SNAI2: variants seen among roughly 807,000 people sequenced by gnomAD.
SNAI2 encodes the protein snail family transcriptional repressor 2.
SNAI2 carries 2 observed loss-of-function variants against 22.4 expected under a neutral mutation model. The ratio of observed to expected loss-of-function variants is 0.09; its 90% CI spans 0.04 to 0.28. The LOEUF is 0.28. SNAI2 is among the 10% of genes least tolerant of loss of function. The pLI is 1.00. For missense variants in SNAI2, 239 were observed against 320.8 expected, an observed-to-expected ratio of 0.75 and a Z score of 1.95; for synonymous variants, 134 against 123.0, an observed-to-expected ratio of 1.09 and a Z score of -0.59.
At chr8:48,920,498 C>T in intron 1 of SNAI2, 57 bp from the exon 2 acceptor site, 1 of 1,442,626 alleles carries the variant, frequency 6.9e-7, no homozygotes, top group South Asian at 1.1e-5. Context: ...AAAATAAATC[C>T]ACACGCAAGT....
rs1420296591 is a variant in SNAI2, at chr8:48,918,849, G to A, written c.765C>T (p.Leu255=). ...AGCCAGATTCCTCATGTTTGTGCAG[G>A]AGAGACATTCTGGAGAAGGTTTTGG... The part of the protein sequence containing the change: ...NCSKTFSRMS[L]LHKHEESGCC... Residue 255 remains leucine, a synonymous_variant, in exon 3 of 3, where the codon CTC becomes CTT. Transcript: ENST00000020945. The A allele has an allele frequency of 1.9e-6, 3 of 1,614,134 alleles. No homozygotes were observed. The highest frequency in any genetic ancestry group is 1.1e-5 in the South Asian group (1 of 91,074).
At chr8:48,921,054 C>A in intron 1 of SNAI2, 133 bp downstream of exon 1, 1 of 745,822 alleles carries the variant, frequency 1.3e-6, no homozygotes, top group East Asian at 2.6e-5. Flanking sequence ...TGTAAGCTCC[C>A]TTTCAGGACA....
At chr8:48,919,363 G>A (rs1054957491) in intron 2 of SNAI2, among the ~76,000 whole-genome samples, 11 of 152,140 alleles carry the variant, frequency 7.2e-5, no homozygotes, top group Non-Finnish European at 1.5e-4. Flanking sequence ...TGGTCTAAGT[G>A]CCATGATACC....
Position 48,918,915 on chromosome 8 carries a change from C to G in SNAI2, c.699G>C (p.Gln233His). ...GGTATTTCTTTACATCAGAATGGGT[C>G]TGCAGATGAGCCCTCAGATTTGACC... ...ADRSNLRAHL[Q>H]THSDVKKYQC... The change falls in exon 3 of 3, where the codon CAG becomes CAC. Residue 233 changes from glutamine to histidine, a missense_variant. This residue lies in a region of SNAI2 where 31 missense variants were observed against 99.0 expected (regional missense o/e 0.31). Transcript: ENST00000020945. 6.2e-7 allele frequency: 1 copy of G among 1,614,036 alleles called. No homozygotes were observed. The highest frequency in any genetic ancestry group is 8.5e-7 in the Non-Finnish European group (1 of 1,180,022).
At chr8:48,919,330 C>T (rs1244403336) in intron 2 of SNAI2, among the ~76,000 whole-genome samples, 9 of 152,188 alleles carry the variant, frequency 5.9e-5, no homozygotes, top group Admixed American at 5.9e-4. Flanking sequence ...CCCCTTTTCC[C>T]TCTTTCTGTA....
At chr8:48,921,164 T>C (rs1408468122) in intron 1 of SNAI2, 23 bp downstream of exon 1, 3 of 1,540,980 alleles carry the variant, frequency 1.9e-6, no homozygotes. Flanking sequence ...TACGTAGTTC[T>C]AGATATATTT....
At position 48,918,530 on chromosome 8, in the gene SNAI2, A is replaced by G; in HGVS notation, c.*277T>C. The G allele has an allele frequency of 2.3e-6, 1 of 429,014 alleles. No homozygotes were observed. The highest frequency in any genetic ancestry group is 2.0e-5 in the African/African-American group (1 of 50,374). 26.6% of individuals were successfully genotyped at this position (429,014 alleles called of 1,614,324 possible). A position where few individuals can be genotyped will look rare whatever the true frequency, so the allele number is the denominator to read the frequency against. On this transcript the variant is annotated 3_prime_UTR_variant, in exon 3 of 3. Transcript: ENST00000020945. ...AATGTGCTTTTCATTTTATCTTTGA[A>G]GAGAAAGGTTACTGTCTTTTATTCT...
At chr8:48,920,544 G>A in intron 1 of SNAI2, 103 bp from the exon 2 acceptor site, 1 of 1,077,016 alleles carries the variant, frequency 9.3e-7, no homozygotes, top group Non-Finnish European at 1.4e-6. Context: ...CAACACACAC[G>A]TGATTTTCTT....
rs751125107 is a variant in SNAI2, at chr8:48,921,301, A to T, written c.-36T>A. On this transcript the variant is annotated 5_prime_UTR_variant, in exon 1 of 3. Coordinates refer to ENST00000020945, the MANE Select transcript of SNAI2 (RefSeq NM_003068.5). Reference sequence around the variant, plus strand: ...GGTCTGGCGGGCGCCCGGCGCGGATAACGGTCCGGCGGGAGGACACGGCGG... The same window carrying T: ...GGTCTGGCGGGCGCCCGGCGCGGATTACGGTCCGGCGGGAGGACACGGCGG... 7.1e-6 allele frequency: 11 copies of T among 1,556,236 alleles called. No individual in the cohort carries two copies. In the South Asian group the frequency reaches 1.2e-4, roughly 17 times the overall value.
At chr8:48,919,112 TTAAAATCCCTCATAA>T (rs1208551245) in intron 2 of SNAI2, 124 bp from the exon 3 acceptor site, 1 of 838,912 alleles carries the variant, frequency 1.2e-6, no homozygotes, top group Admixed American at 2.3e-5. Context: ...CAAAACCTGA[TTAAAATCCCTCATAA>T]TAGACACTTT....
rs1806145251 is a variant in SNAI2 at position 48,920,423 on chromosome 8, A to C, written c.98T>G (p.Leu33Arg). The C allele has an allele frequency of 6.2e-7, 1 of 1,613,962 alleles. No individual in the cohort carries two copies. Among genetic ancestry groups the C allele is most frequent in the Non-Finnish European group, 8.5e-7 (1 of 1,179,964 alleles). The stretch of plus-strand genomic sequence containing the variant: ...GACAGGCATGGAGTAACTCTCATAG[A>C]GATACGGGGAAATAATCACTGGGAA... Reference protein sequence around the residue: ...DTHTVIISPYLYESYSMPVIP... With the variant: ...DTHTVIISPYRYESYSMPVIP... The change falls in exon 2 of 3, where the codon CTC becomes CGC. Residue 33 changes from leucine to arginine, a missense_variant. Around this residue, in one of 3 missense-constraint regions of SNAI2, gnomAD observed 183 missense variants for 190.4 expected, o/e 0.96. Coordinates refer to ENST00000020945, the MANE Select transcript of SNAI2 (RefSeq NM_003068.5).
In SNAI2 at chr8:48,918,504, C is replaced by G. The variant is rs1806111529; in HGVS notation, c.*303G>C. On this transcript the variant is annotated 3_prime_UTR_variant, in exon 3 of 3. Coordinates refer to ENST00000020945, the MANE Select transcript of SNAI2 (RefSeq NM_003068.5). ...TGCATTTTTTTAGGAAGAAAAGATG[C>G]AATGTGCTTTTCATTTTATCTTTGA... 3 of 367,328 alleles carry G rather than the reference C, an allele frequency of 8.2e-6. No individual in the cohort carries two copies. The highest frequency in any genetic ancestry group is 1.5e-5 in the Non-Finnish European group (3 of 198,666). The allele number at this position is 367,328 out of a possible 1,614,324, so 22.8% of individuals were successfully genotyped here.
chr8:48,920,506 A>G, intron 1 of SNAI2, 65 bp from the exon 2 acceptor site: 5 of 1,353,376 alleles, frequency 3.7e-6, no homozygotes, highest in Non-Finnish European at 5.3e-6. Context: ...TCCACACGCA[A>G]GTATACACAC....
intron 2 of SNAI2, among the ~76,000 whole-genome samples, chr8:48,919,479 C>T (rs1172435813): frequency 3.3e-5 from 5 of 152,194 alleles, no homozygotes; most frequent in Admixed American, 6.5e-5. Context: ...AAGTCACCCA[C>T]GGGTGACAAA....
intron 1 of SNAI2, 56 bp downstream of exon 1, chr8:48,921,131 A>G: frequency 1.6e-6 from 2 of 1,227,308 alleles, no homozygotes; most frequent in Non-Finnish European, 1.2e-6. Flanking sequence ...TAATACGTAG[A>G]TTCATATTTG....
chr8:48,920,182 T>C lies in SNAI2; in HGVS notation c.339A>G (p.Leu113=), dbSNP rs1413333110. The C allele has an allele frequency of 2.5e-6, 4 of 1,614,224 alleles. No individual in the cohort carries two copies. The highest frequency in any genetic ancestry group is 2.2e-5 in the East Asian group (1 of 44,880). Residue 113 remains leucine, a synonymous_variant, in exon 2 of 3, where the codon CTA becomes CTG. Transcript: ENST00000020945. The part of the protein sequence containing the change: ...ESPISDEEER[L]QSKLSDPHAI... ...CATGGGGGTCTGAAAGCTTGGACTG[T>C]AGTCTTTCCTCTTCATCACTAATGG...
rs1806103825 is a variant in SNAI2 at position 48,918,079 on chromosome 8, A to C, written c.*728T>G. ...TTATTCCCATCTTTAATTAATTTTCAAAAATTATTAAAATGTTTTAAAATA... is the reference window on the plus strand; with the variant it reads ...TTATTCCCATCTTTAATTAATTTTCCAAAATTATTAAAATGTTTTAAAATA... On this transcript the variant is annotated 3_prime_UTR_variant, in exon 3 of 3. Transcript: ENST00000020945. The C allele has an allele frequency of 6.6e-6, 1 of 152,236 alleles. No homozygotes were observed. Among genetic ancestry groups the C allele is most frequent in the South Asian group, 2.1e-4 (1 of 4,830 alleles). 9.4% of individuals were successfully genotyped at this position (152,236 alleles called of 1,614,324 possible). A position where few individuals can be genotyped will look rare whatever the true frequency, so the allele number is the denominator to read the frequency against.
chr8:48,920,197 A>T lies in SNAI2; in HGVS notation c.324T>A (p.Asp108Glu). Residue 108 changes from aspartate (D) to glutamate (E), a missense_variant, in exon 2 of 3, where the codon GAT (aspartate) becomes GAA (glutamate). Coordinates refer to ENST00000020945, the MANE Select transcript of SNAI2 (RefSeq NM_003068.5). ...GCTTGGACTGTAGTCTTTCCTCTTC[A>T]TCACTAATGGGGCTTTCTGAGCCAC... ...DHSGSESPISDEEERLQSKLS... is the reference protein window; with the variant it reads ...DHSGSESPISEEEERLQSKLS... The T allele has an allele frequency of 6.2e-7, 1 of 1,614,138 alleles. No individual in the cohort carries two copies. The highest frequency in any genetic ancestry group is 1.1e-5 in the South Asian group (1 of 91,078).
chr8:48,919,019 ACAGT>A (rs758188432), intron 2 of SNAI2, 31 bp from the exon 3 acceptor site: 2 of 1,601,320 alleles, frequency 1.2e-6, no homozygotes, highest in East Asian at 2.2e-5. Context: ...AAAAAGAAAG[ACAGT>A]CAGTGTTTTT....
Sources: gnomAD v4.1 joint callset for allele counts (sites outside exome capture counted in the v4.1 genomes callset) on GRCh38, gnomAD v4.1.1 for gene constraint, gnomAD v4.1.1 regional missense constraint, MANE v1.5 for transcripts, NCBI Gene and HGNC (gene_info 2026-07-23, HGNC 2026-07-21) for gene names.